DOCK9: variants seen among roughly 807,000 people sequenced by gnomAD.
DOCK9 encodes the protein dedicator of cytokinesis 9, also known as dedicator of cytokinesis protein 9.
Under a neutral mutation model 263.3 loss-of-function variants are expected in DOCK9, and 89 were observed. The observed-to-expected ratio is 0.34, with a 90% CI of 0.28 to 0.40. DOCK9 has a LOEUF of 0.40. DOCK9 is among the 10% of genes least tolerant of loss of function. The pLI, the probability that DOCK9 is intolerant of heterozygous loss-of-function variation, is 1.00. For synonymous variants in DOCK9, 976 were observed against 973.1 expected (o/e 1.00, Z -0.06); for missense variants, 2,140 against 2,603.4 (o/e 0.82, Z 3.87).
chr13:98,827,545 G>C (rs528106738), intron 43 of DOCK9, among the ~76,000 whole-genome samples: 144 of 152,350 alleles, frequency 9.5e-4, no homozygotes, highest in South Asian at 7.5e-3. Context: ...CCACCACGTG[G>C]TGCCCTCGTC....
chr13:99,008,248 T>TTC (rs1883820565), intron 1 of DOCK9, among the ~76,000 whole-genome samples: 3 of 142,630 alleles, frequency 2.1e-5, no homozygotes, highest in African/African-American at 7.8e-5. Flanking sequence ...TTTTTTTTTT[T>TTC]TGAGACGAAG....
At chr13:98,847,974 G>A (rs1220316103) in intron 37 of DOCK9, among the ~76,000 whole-genome samples, 3 of 152,194 alleles carry the variant, frequency 2.0e-5, no homozygotes, top group Non-Finnish European at 1.5e-5. Context: ...GGAGTTTCTA[G>A]GAGGCTGGTT....
At chr13:99,013,662 T>G (rs967285618) in intron 1 of DOCK9, among the ~76,000 whole-genome samples, 1 of 152,002 alleles carries the variant, frequency 6.6e-6, no homozygotes, top group African/African-American at 2.4e-5. Flanking sequence ...GGAGATGTCC[T>G]GGGAAGTAGA....
At chr13:99,069,800 T>A (rs2041590332) in intron 1 of DOCK9, among the ~76,000 whole-genome samples, 1 of 152,244 alleles carries the variant, frequency 6.6e-6, no homozygotes, top group South Asian at 2.1e-4. Context: ...GCTTAAAAGT[T>A]TTCAAGAAAC....
At position 98,808,973 on chromosome 13, in the gene DOCK9, GATTT is replaced by G. The variant is rs1259766481; in HGVS notation, c.5367+375_5367+378del. The G allele has an allele frequency of 6.4e-6, 7 of 1,096,234 alleles. No homozygotes were observed. The South Asian group carries it at 1.3e-4, about 21-fold the overall frequency. The allele number at this position is 1,096,234 out of a possible 1,614,324, so 67.9% of individuals were successfully genotyped here. ...AATATAGATATATAAGAAAACAGGT[GATTT>G]ATTTCTGTAAATGGAATAAAATGTT... On this transcript the variant is annotated intron_variant, in intron 47 of 52. Coordinates refer to ENST00000682017, the MANE Select transcript of DOCK9 (RefSeq NM_001366683.2).
intron 1 of DOCK9, among the ~76,000 whole-genome samples, chr13:99,044,813 C>T (rs1166037112): frequency 6.6e-6 from 1 of 152,206 alleles, no homozygotes; most frequent in African/African-American, 2.4e-5. Flanking sequence ...AGGACTGTCA[C>T]CTGACTGTAC....
At chr13:99,000,606 TCTC>T (rs558248027) in intron 1 of DOCK9, among the ~76,000 whole-genome samples, 70 of 152,106 alleles carry the variant, frequency 4.6e-4, no homozygotes, top group African/African-American at 1.2e-3. Flanking sequence ...GTAAAATCAT[TCTC>T]CTCACTCGAA....
chr13:98,926,246 A>C (rs1368462733), intron 3 of DOCK9, among the ~76,000 whole-genome samples: 1 of 152,046 alleles, frequency 6.6e-6, no homozygotes. Flanking sequence ...CTGGTTCTTA[A>C]AAAGCCATGT....
intron 1 of DOCK9, among the ~76,000 whole-genome samples, chr13:99,005,025 C>T (rs1267727426): frequency 6.6e-6 from 1 of 151,600 alleles, no homozygotes; most frequent in African/African-American, 2.4e-5. Context: ...AGCACCTTTG[C>T]TTATATTTTG....
chr13:98,831,567 G>C (rs1196782587), intron 40 of DOCK9, 37 bp from the exon 41 acceptor site: 1 of 1,589,938 alleles, frequency 6.3e-7, no homozygotes, highest in African/African-American at 1.3e-5. Context: ...ATAAACCACA[G>C]ACAGGTCAGT....
chr13:98,812,171 G>T (rs533522870), intron 45 of DOCK9, among the ~76,000 whole-genome samples: 40 of 137,812 alleles, frequency 2.9e-4, no homozygotes, highest in African/African-American at 4.2e-4. Context: ...CACTTTAATG[G>T]GTTTTTTTTT....
chr13:98,901,313 C>A (rs961095391), intron 13 of DOCK9, among the ~76,000 whole-genome samples: 12 of 152,332 alleles, frequency 7.9e-5, no homozygotes, highest in African/African-American at 2.6e-4. Context: ...ACCTAAAACT[C>A]TGCCCCTTCT....
intron 1 of DOCK9, among the ~76,000 whole-genome samples, chr13:99,046,422 T>C (rs2040436091): frequency 6.6e-6 from 1 of 152,190 alleles, no homozygotes; most frequent in Non-Finnish European, 1.5e-5. Flanking sequence ...AAGTAGTTTG[T>C]TGGTTTTGAG....
At chr13:98,834,682 C>A (rs1174016504) in intron 39 of DOCK9, 9 of 152,166 alleles carry the variant, frequency 5.9e-5, no homozygotes, top group South Asian at 4.1e-4. Flanking sequence ...ATTAGAAAAA[C>A]CAGATTTTTC....
chr13:98,915,191 A>G, intron 8 of DOCK9, 138 bp downstream of exon 8: 2 of 743,160 alleles, frequency 2.7e-6, no homozygotes, highest in Non-Finnish European at 4.2e-6. Context: ...CTTTGCTGAC[A>G]GGATATTTGT....
intron 15 of DOCK9, among the ~76,000 whole-genome samples, chr13:98,889,753 CT>C (rs1468562833): frequency 1.3e-5 from 2 of 152,226 alleles, no homozygotes; most frequent in Non-Finnish European, 2.9e-5. Flanking sequence ...ATTCTCAGCA[CT>C]TTTGCACCTG....
At position 98,891,555 on chromosome 13, in the gene DOCK9, TA is replaced by T. The variant is rs575856929; in HGVS notation, c.1710-2845del. The stretch of plus-strand genomic sequence containing the variant: ...AGATCACTCCAACATCCTCCACATA[TA>T]AATTTTTGAGAGAGGTGGAACACAA... On this transcript the variant is annotated intron_variant, in intron 15 of 52. Coordinates refer to ENST00000682017, the MANE Select transcript of DOCK9 (RefSeq NM_001366683.2). 4.3e-4 allele frequency among the ~76,000 whole-genome samples: 65 copies of T among 152,296 alleles called. 1 individual carries two copies. The highest frequency in any genetic ancestry group is 5.9e-4 in the Admixed American group (9 of 15,298).
At chr13:99,063,167 G>C (rs35867193) in intron 1 of DOCK9, among the ~76,000 whole-genome samples, 13,437 of 152,284 alleles carry the variant, frequency 0.088, 712 homozygotes, top group African/African-American at 0.15. Context: ...AGGAAGGCTT[G>C]TGCAGTAAGT....
chr13:99,025,863 A>G (rs994689475), intron 1 of DOCK9, among the ~76,000 whole-genome samples: 3 of 152,366 alleles, frequency 2.0e-5, no homozygotes, highest in Admixed American at 6.5e-5. Flanking sequence ...CCAACTTTTA[A>G]AAAATGAAGT....
Sources: allele counts gnomAD v4.1 joint callset (sites outside exome capture counted in the v4.1 genomes callset), GRCh38; gene constraint gnomAD v4.1.1; transcripts MANE v1.5; gene names NCBI Gene and HGNC (gene_info 2026-07-23, HGNC 2026-07-21).